Variants in OSCP1 observed in about 807,000 individuals in gnomAD.
OSCP1 encodes organic solute carrier partner 1, also known as protein OSCP1.
A neutral mutation model predicts 45.1 loss-of-function variants in OSCP1; 35 were observed. The ratio of observed to expected loss-of-function variants is 0.78; its 90% CI spans 0.59 to 1.03. The LOEUF (loss-of-function observed/expected upper bound fraction) is 1.03. Among genes scored for constraint, OSCP1 ranks in the 50% least tolerant of loss-of-function variants. The probability of loss-of-function intolerance (pLI) is 0.00; values close to 1 mark genes in which losing one functional copy is unlikely to be tolerated. For synonymous variants in OSCP1, 179 were observed against 180.1 expected (o/e 0.99, Z 0.05); for missense variants, 400 against 470.7 (o/e 0.85, Z 1.39).
rs562976623 is a variant in OSCP1, at chr1:36,426,271, G to A, written c.517-2805C>T. ...AAATTTAGGTCATGTGTGTGTCTGT[G>A]TTTGGCCTGAGACTCTGCCAGTGGC... On this transcript the variant is annotated intron_variant, in intron 4 of 9. Coordinates refer to ENST00000235532, the MANE Select transcript of OSCP1 (RefSeq NM_145047.5). Among the ~76,000 whole-genome samples the A allele has an allele frequency of 5.9e-5, 9 of 152,318 alleles. No individual in the cohort carries two copies. The South Asian group carries it at 1.7e-3, about 28-fold the overall frequency.
chr1:36,419,275 T>C, intron 8 of OSCP1: 1 of 541,694 alleles, frequency 1.8e-6, no homozygotes, highest in Non-Finnish European at 3.3e-6. Context: ...CCAAGAATGT[T>C]TCTTCCCTTC....
At chr1:36,444,161 G>T in intron 1 of OSCP1, 1 of 1,055,558 alleles carries the variant, frequency 9.5e-7, no homozygotes, top group Non-Finnish European at 1.4e-6. Context: ...GGCATTTAAT[G>T]TCTAATGTGA....
At chr1:36,445,737 C>T (rs1251665378) in intron 1 of OSCP1, among the ~76,000 whole-genome samples, 1 of 151,304 alleles carries the variant, frequency 6.6e-6, no homozygotes, top group Non-Finnish European at 1.5e-5. Flanking sequence ...ATTTTTGAGA[C>T]AGGGTCTTAC....
rs766591605 is a variant in OSCP1 at position 36,418,181 on chromosome 1, G to C, written c.1098C>G (p.Thr366=). 1.2e-6 allele frequency: 2 copies of C among 1,614,162 alleles called. No individual in the cohort carries two copies. The highest frequency in any genetic ancestry group is 1.1e-5 in the South Asian group (1 of 91,080). Residue 366 remains threonine, a synonymous_variant, in exon 10 of 10, where the codon ACC becomes ACG. Coordinates refer to ENST00000235532, the MANE Select transcript of OSCP1 (RefSeq NM_145047.5). The part of the protein sequence containing the change: ...FEITEQPRLS[T]SKGDDLLAMM... ...TGGCGAGCAAATCGTCCCCTTTGCTGGTGCTCAGCCTTGGCTGCTCCGTGA... is the reference window on the plus strand; with the variant it reads ...TGGCGAGCAAATCGTCCCCTTTGCTCGTGCTCAGCCTTGGCTGCTCCGTGA...
rs1337748938 is a variant in OSCP1 at position 36,442,972 on chromosome 1, TA to T, written c.113-4063del. 6.6e-5 allele frequency among the ~76,000 whole-genome samples: 10 copies of T among 152,150 alleles called. No individual in the cohort carries two copies. In the East Asian group the frequency reaches 1.9e-3, roughly 29 times the overall value. ...TGCTTTTAAATATTATTATTATTAT[TA>T]TTATTTTTGAAGTGGAGTCTCGCTC... is the stretch of plus-strand genomic sequence containing the variant. On this transcript the variant is annotated intron_variant, in intron 1 of 9. Coordinates refer to ENST00000235532, the MANE Select transcript of OSCP1 (RefSeq NM_145047.5).
At position 36,419,301 on chromosome 1, in the gene OSCP1, TC is replaced by T. The variant is rs1306436208; in HGVS notation, c.960-248del. 17 of 512,786 alleles carry T rather than the reference TC, an allele frequency of 3.3e-5. No homozygotes were observed. The East Asian group carries it at 5.4e-4, about 16-fold the overall frequency. 31.8% of individuals were successfully genotyped at this position (512,786 alleles called of 1,614,324 possible). ...TCTTCCCTTCCTCTGCTTGGCAAAC[TC>T]CAAGACCTAGATCAAATGCCAGCTC... On this transcript the variant is annotated intron_variant, in intron 8 of 9. Transcript: ENST00000235532.
chr1:36,450,187 G>A (rs1455714545), intron 1 of OSCP1, 71 bp downstream of exon 1: 3 of 1,255,304 alleles, frequency 2.4e-6, no homozygotes, highest in Admixed American at 1.7e-5. Flanking sequence ...CTGGCTGTGG[G>A]TGTTAGGGCG....
intron 9 of OSCP1, 132 bp from the exon 10 acceptor site, chr1:36,418,387 G>T: frequency 1.4e-6 from 1 of 725,868 alleles, no homozygotes; most frequent in Non-Finnish European, 2.4e-6. Flanking sequence ...TCAGAAAAGG[G>T]ATTGTAGTTA....
intron 1 of OSCP1, among the ~76,000 whole-genome samples, chr1:36,449,886 G>A (rs562883395): frequency 7.1e-6 from 1 of 141,518 alleles, no homozygotes; most frequent in East Asian, 2.0e-4. Context: ...CTGTTCCTTG[G>A]GGGTAAAGAG....
intron 2 of OSCP1, among the ~76,000 whole-genome samples, chr1:36,434,333 G>T (rs1423382645): frequency 1.3e-5 from 2 of 152,194 alleles, no homozygotes; most frequent in African/African-American, 4.8e-5. Context: ...CATATTGCTG[G>T]TAAGTGCAGA....
At chr1:36,422,303 T>C in intron 6 of OSCP1, 84 bp from the exon 7 acceptor site, 1 of 1,277,532 alleles carries the variant, frequency 7.8e-7, no homozygotes, top group Non-Finnish European at 1.1e-6. Context: ...TTTGTAGCTT[T>C]TATTCTGAGA....
chr1:36,425,103 G>T (rs574118686), intron 4 of OSCP1, among the ~76,000 whole-genome samples: 2 of 151,736 alleles, frequency 1.3e-5, no homozygotes, highest in African/African-American at 4.8e-5. Context: ...AACCCCAGAG[G>T]TGGAGGTTGC....
chr1:36,430,677 C>T (rs552574801), intron 4 of OSCP1, among the ~76,000 whole-genome samples: 8 of 152,240 alleles, frequency 5.3e-5, no homozygotes, highest in East Asian at 1.9e-4. Flanking sequence ...GTTTTTGAGA[C>T]GGAGTCTCCC....
chr1:36,426,417 G>A (rs1392830276), intron 4 of OSCP1, among the ~76,000 whole-genome samples: 1 of 152,066 alleles, frequency 6.6e-6, no homozygotes, highest in African/African-American at 2.4e-5. Context: ...TCACCTCTGA[G>A]CTCATGGCTC....
In OSCP1 at chr1:36,432,494, G is replaced by A. The variant is rs768910474; in HGVS notation, c.363C>T (p.Thr121=). The change falls in exon 3 of 10, where the codon ACC becomes ACT. Residue 121 remains threonine (T), a synonymous_variant. Transcript: ENST00000235532. ...GGGAGTCTCGGATGAATCCCTTGAT[G>A]GTATCCAAGTGATTGAAAGTGACCA... ...VLLVTFNHLD[T]IKGFIRDSPT... is the part of the protein sequence containing the mutation. 2 of 1,614,046 alleles carry A rather than the reference G, an allele frequency of 1.2e-6. No homozygotes were observed. The highest frequency in any genetic ancestry group is 1.7e-6 in the Non-Finnish European group (2 of 1,179,928).
Position 36,450,392 on chromosome 1 carries a change from G to A in OSCP1, c.-23C>T. 6.3e-7 allele frequency: 1 copy of A among 1,599,432 alleles called. No individual in the cohort carries two copies. Among genetic ancestry groups the A allele is most frequent in the South Asian group, 1.1e-5 (1 of 90,730 alleles). On this transcript the variant is annotated 5_prime_UTR_variant, in exon 1 of 10. Coordinates refer to ENST00000235532, the MANE Select transcript of OSCP1 (RefSeq NM_145047.5). ...CATGGTGCTGGAAACGAGCTGGACT[G>A]GTGAAGAGCCCCGGGGTTCGGTAGC... is the stretch of plus-strand genomic sequence containing the variant.
Position 36,427,299 on chromosome 1 carries a change from CTT to C in OSCP1, c.517-3835_517-3834del, listed in dbSNP as rs71053929. 2.9e-4 allele frequency among the ~76,000 whole-genome samples: 28 copies of C among 96,262 alleles called. 1 individual carries two copies. Among genetic ancestry groups the C allele is most frequent in the East Asian group, 1.7e-3 (6 of 3,450 alleles). The allele number at this position is 96,262 out of a possible 152,430, so 63.2% of individuals were successfully genotyped here. Reference sequence around the variant, plus strand: ...ACAGGCGTGAGCCATGGCGCCTGGCCTTTTTTTTTTTTTTTGACACAGAGTCT... The same window carrying C: ...ACAGGCGTGAGCCATGGCGCCTGGCCTTTTTTTTTTTTTGACACAGAGTCT... On this transcript the variant is annotated intron_variant, in intron 4 of 9. Transcript: ENST00000235532.
intron 8 of OSCP1, chr1:36,419,402 A>G: frequency 3.5e-6 from 1 of 286,670 alleles, no homozygotes; most frequent in Admixed American, 4.8e-5. Context: ...AATAACTTAT[A>G]TCTGTACACG....
In OSCP1 at chr1:36,425,733, G is replaced by GA. The variant is rs757643959; in HGVS notation, c.517-2268dup. Among the ~76,000 whole-genome samples the GA allele has an allele frequency of 7.2e-3, 825 of 114,942 alleles. 1 individual carries two copies. Among genetic ancestry groups the GA allele is most frequent in the East Asian group, 0.015 (59 of 3,922 alleles). 75.4% of individuals were successfully genotyped at this position (114,942 alleles called of 152,430 possible). A position where few individuals can be genotyped will look rare whatever the true frequency, so the allele number is the denominator to read the frequency against. ...GGGCAACAGAGCAAGACTCTATCTGGAAAAAAAAAAAAAAAAGCAAAGGCT... is the reference window on the plus strand; with the variant it reads ...GGGCAACAGAGCAAGACTCTATCTGGAAAAAAAAAAAAAAAAAGCAAAGGCT... On this transcript the variant is annotated intron_variant, in intron 4 of 9. Transcript: ENST00000235532.
Sources: allele counts gnomAD v4.1 joint callset (sites outside exome capture counted in the v4.1 genomes callset), GRCh38; gene constraint gnomAD v4.1.1; transcripts MANE v1.5; gene names NCBI Gene and HGNC (gene_info 2026-07-23, HGNC 2026-07-21).